The following ADAMTSL1 variants were observed in gnomAD, a reference collection of about 807,000 sequenced individuals.
The protein encoded by ADAMTSL1 is ADAMTS-like protein 1.
ADAMTSL1 carries 126 observed loss-of-function variants against 201.8 expected under a neutral mutation model. The ratio of observed to expected loss-of-function variants is 0.62; its 90% CI spans 0.54 to 0.72. The LOEUF (loss-of-function observed/expected upper bound fraction) is 0.72, where lower values mean the gene tolerates loss of function less well. Ranked by LOEUF, ADAMTSL1 falls within the 30% of genes least tolerant of loss-of-function variation. The pLI is 0.00. For missense variants in ADAMTSL1, 2,679 were observed against 2,277.8 expected, an observed-to-expected ratio of 1.18 and a Z score of -3.59; for synonymous variants, 1,121 against 903.4, an observed-to-expected ratio of 1.24 and a Z score of -4.32.
At chr9:18,289,635 C>G (rs184524629) in intron 2 of ADAMTSL1, among the ~76,000 whole-genome samples, 5 of 152,134 alleles carry the variant, frequency 3.3e-5, no homozygotes, top group Non-Finnish European at 7.4e-5. Flanking sequence ...ACCAGAAAAC[C>G]CTGACTTCTC....
chr9:18,438,081 A>G (rs886427254), intron 2 of ADAMTSL1, among the ~76,000 whole-genome samples: 1 of 152,142 alleles, frequency 6.6e-6, no homozygotes, highest in Admixed American at 6.5e-5. Flanking sequence ...TGATGGTGGT[A>G]TGCTGGGTTT....
chr9:18,106,622 C>T (rs568814944), intron 1 of ADAMTSL1, among the ~76,000 whole-genome samples: 15 of 152,332 alleles, frequency 9.8e-5, no homozygotes, highest in African/African-American at 3.6e-4. Flanking sequence ...ATCAAAATAA[C>T]AGAGTGTAGA....
chr9:17,952,478 A>T (rs1167291475), intron 1 of ADAMTSL1, among the ~76,000 whole-genome samples: 1 of 152,104 alleles, frequency 6.6e-6, no homozygotes, highest in African/African-American at 2.4e-5. Context: ...CTTCTAGTTT[A>T]TGATGCCTTT....
intron 2 of ADAMTSL1, among the ~76,000 whole-genome samples, chr9:18,509,381 C>T (rs991232408): frequency 1.2e-4 from 18 of 152,210 alleles, no homozygotes; most frequent in African/African-American, 2.2e-4. Context: ...TACTTCCTTA[C>T]GCTAATGGTA....
intron 2 of ADAMTSL1, among the ~76,000 whole-genome samples, chr9:18,176,794 T>C (rs1415084971): frequency 6.6e-6 from 1 of 152,172 alleles, no homozygotes; most frequent in Non-Finnish European, 1.5e-5. Flanking sequence ...GTTGGGATAT[T>C]TTTGTTTTTA....
chr9:18,381,818 C>A (rs1217574922), intron 2 of ADAMTSL1, among the ~76,000 whole-genome samples: 1 of 151,894 alleles, frequency 6.6e-6, no homozygotes. Context: ...TCACATGCTC[C>A]TGGTGAACTA....
Position 18,893,124 on chromosome 9 carries a change from A to G in ADAMTSL1, c.4851+528A>G, listed in dbSNP as rs74889878. On this transcript the variant is annotated intron_variant, in intron 26 of 28. Transcript: ENST00000380548. ...CTAACCCCTCCTTATTTCCAGTGAC[A>G]TAATGTATATGCTTCATAATCAAAC... 3.8e-3 allele frequency among the ~76,000 whole-genome samples: 573 copies of G among 152,134 alleles called. 9 individuals carry two copies. Among genetic ancestry groups the G allele is most frequent in the African/African-American group, 0.013 (539 of 41,498 alleles).
At chr9:18,491,420 T>C (rs1456079619) in intron 1 of ADAMTSL1, among the ~76,000 whole-genome samples, 1 of 152,216 alleles carries the variant, frequency 6.6e-6, no homozygotes, top group Non-Finnish European at 1.5e-5. Context: ...AGAACTCTTC[T>C]TGCTGGAAAC....
chr9:18,520,425 A>G (rs1321169760), intron 2 of ADAMTSL1, among the ~76,000 whole-genome samples: 1 of 152,252 alleles, frequency 6.6e-6, no homozygotes, highest in Admixed American at 6.5e-5. Context: ...ACAGATTAGG[A>G]TAGAGCAGAA....
At chr9:18,686,839 C>A (rs1830870870) in intron 13 of ADAMTSL1, among the ~76,000 whole-genome samples, 1 of 152,172 alleles carries the variant, frequency 6.6e-6, no homozygotes, top group Admixed American at 6.5e-5. Flanking sequence ...ATTACATAGA[C>A]CATCGTCAAC....
chr9:18,450,269 C>T (rs1299680752), intron 2 of ADAMTSL1, among the ~76,000 whole-genome samples: 1 of 152,070 alleles, frequency 6.6e-6, no homozygotes, highest in Non-Finnish European at 1.5e-5. Context: ...ATCTTGATTG[C>T]TGTGGTCGTT....
At chr9:17,965,121 G>C (rs1024157388) in intron 1 of ADAMTSL1, among the ~76,000 whole-genome samples, 3 of 152,112 alleles carry the variant, frequency 2.0e-5, no homozygotes, top group Admixed American at 1.3e-4. Context: ...AAATTAAATA[G>C]AATGAAGATA....
intron 2 of ADAMTSL1, among the ~76,000 whole-genome samples, chr9:18,177,642 T>C (rs535614151): frequency 6.6e-6 from 1 of 152,304 alleles, no homozygotes; most frequent in East Asian, 1.9e-4. Flanking sequence ...AGAGCTCCAG[T>C]CATTACACCT....
intron 3 of ADAMTSL1, among the ~76,000 whole-genome samples, chr9:18,558,193 C>T (rs543786857): frequency 3.3e-4 from 50 of 152,144 alleles, no homozygotes; most frequent in Admixed American, 1.7e-3. Context: ...CAGTGTGTGA[C>T]GTTCCTTTCC....
chr9:18,622,235 C>T lies in ADAMTSL1; in HGVS notation c.475-8C>T. The T allele has an allele frequency of 6.2e-7, 1 of 1,613,274 alleles. No individual in the cohort carries two copies. Among genetic ancestry groups the T allele is most frequent in the Non-Finnish European group, 8.5e-7 (1 of 1,179,594 alleles). Reference sequence around the variant, plus strand: ...TTGGTTGAATTACACATCTCTCTTTCTTGTTAGATTGTTGGCTGCGATCAC... The same window carrying T: ...TTGGTTGAATTACACATCTCTCTTTTTTGTTAGATTGTTGGCTGCGATCAC... On this transcript the variant is annotated splice_region_variant and splice_polypyrimidine_tract_variant and intron_variant, in intron 4 of 28. Coordinates refer to ENST00000380548, the MANE Select transcript of ADAMTSL1 (RefSeq NM_001040272.6).
At chr9:18,494,484 T>C (rs959355207) in intron 1 of ADAMTSL1, among the ~76,000 whole-genome samples, 1 of 152,030 alleles carries the variant, frequency 6.6e-6, no homozygotes. Flanking sequence ...TAAAAAGATG[T>C]GAGCAAGATG....
chr9:18,107,180 G>C (rs1382628011), intron 1 of ADAMTSL1, among the ~76,000 whole-genome samples: 2 of 152,136 alleles, frequency 1.3e-5, no homozygotes, highest in Admixed American at 1.3e-4. Flanking sequence ...TTAGATATTT[G>C]TAAGTTACTC....
intron 2 of ADAMTSL1, among the ~76,000 whole-genome samples, chr9:18,521,445 C>G (rs565684068): frequency 4.6e-5 from 7 of 151,020 alleles, no homozygotes; most frequent in African/African-American, 1.5e-4. Flanking sequence ...ACTAGATACC[C>G]ACAAAAATTA....
At chr9:18,577,449 G>A (rs372822005) in intron 4 of ADAMTSL1, among the ~76,000 whole-genome samples, 4 of 152,122 alleles carry the variant, frequency 2.6e-5, no homozygotes, top group South Asian at 2.1e-4. Flanking sequence ...TTGCACCACT[G>A]TACTCCAGCC....
Sources: allele counts gnomAD v4.1 joint callset (sites outside exome capture counted in the v4.1 genomes callset), GRCh38; gene constraint gnomAD v4.1.1; transcripts MANE v1.5; gene names NCBI Gene and HGNC (gene_info 2026-07-23, HGNC 2026-07-21).